Variants in RAB10 observed in about 807,000 individuals in gnomAD.
RAB10 encodes the protein RAB10, member RAS oncogene family.
Under a neutral mutation model 25.7 loss-of-function variants are expected in RAB10, and 5 were observed. The ratio of observed to expected loss-of-function variants is 0.19; its 90% CI spans 0.10 to 0.41. The LOEUF (loss-of-function observed/expected upper bound fraction) is 0.41, where lower values mean the gene tolerates loss of function less well. RAB10 is among the 10% of genes least tolerant of loss of function. The probability of loss-of-function intolerance (pLI) is 1.00; values close to 1 mark genes in which losing one functional copy is unlikely to be tolerated. For missense variants in RAB10, 103 were observed against 245.8 expected (o/e 0.42, Z 3.89); for synonymous variants, 89 against 86.4 (o/e 1.03, Z -0.16).
At chr2:26,037,142 A>G (rs940490828) in intron 1 of RAB10, among the ~76,000 whole-genome samples, 1 of 151,910 alleles carries the variant, frequency 6.6e-6, no homozygotes, top group African/African-American at 2.4e-5. Context: ...AACTCTGTCT[A>G]CTCCAATCTT....
intron 5 of RAB10, among the ~76,000 whole-genome samples, chr2:26,130,478 C>CT (rs72325138): frequency 1.2e-3 from 168 of 144,894 alleles, no homozygotes; most frequent in African/African-American, 2.6e-3. Flanking sequence ...TGGTCTCTCT[C>CT]TTTTTTTTTT....
intron 1 of RAB10, among the ~76,000 whole-genome samples, chr2:26,084,152 G>A (rs1362148116): frequency 6.6e-6 from 1 of 152,094 alleles, no homozygotes; most frequent in African/African-American, 2.4e-5. Flanking sequence ...ATAGTCACAT[G>A]GCCTGTTCCC....
intron 5 of RAB10, among the ~76,000 whole-genome samples, chr2:26,128,428 A>C (rs1057156703): frequency 2.4e-4 from 37 of 152,178 alleles, no homozygotes; most frequent in Admixed American, 4.6e-4. Flanking sequence ...CTGGGGAAAC[A>C]GAAAGCCATC....
intron 1 of RAB10, among the ~76,000 whole-genome samples, chr2:26,083,809 G>A (rs1188920651): frequency 6.6e-6 from 1 of 152,132 alleles, no homozygotes; most frequent in Non-Finnish European, 1.5e-5. Flanking sequence ...GTGAGCAGCT[G>A]CACCTGCTTA....
chr2:26,046,611 C>G (rs1666008787), intron 1 of RAB10, among the ~76,000 whole-genome samples: 1 of 151,904 alleles, frequency 6.6e-6, no homozygotes, highest in African/African-American at 2.4e-5. Context: ...GAGATGGGGT[C>G]TCGCCATGTT....
intron 1 of RAB10, among the ~76,000 whole-genome samples, chr2:26,083,394 C>G (rs920747732): frequency 7.0e-6 from 1 of 143,338 alleles, no homozygotes; most frequent in African/African-American, 2.6e-5. Flanking sequence ...TCTCTTCTCT[C>G]CCCTCCCCTC....
chr2:26,095,251 G>T (rs1667186921), intron 1 of RAB10, among the ~76,000 whole-genome samples: 1 of 152,070 alleles, frequency 6.6e-6, no homozygotes, highest in South Asian at 2.1e-4. Context: ...GAATTTATTG[G>T]TTCCAATTAC....
chr2:26,102,950 G>A (rs929416250), intron 2 of RAB10, among the ~76,000 whole-genome samples: 8 of 152,204 alleles, frequency 5.3e-5, no homozygotes, highest in Admixed American at 5.2e-4. Flanking sequence ...TTAGAGCATT[G>A]TTAGGACATC....
intron 5 of RAB10, among the ~76,000 whole-genome samples, chr2:26,129,141 G>A (rs1034250886): frequency 4.0e-5 from 6 of 151,836 alleles, no homozygotes; most frequent in African/African-American, 1.5e-4. Context: ...GTGGTGGCAC[G>A]TGCCTGTAAT....
chr2:26,086,533 T>G (rs1045859178), intron 1 of RAB10, among the ~76,000 whole-genome samples: 1 of 152,246 alleles, frequency 6.6e-6, no homozygotes, highest in Admixed American at 6.5e-5. Context: ...ACAGCCACCA[T>G]GGCAATTCCT....
At chr2:26,074,467 G>A (rs1305810861) in intron 1 of RAB10, among the ~76,000 whole-genome samples, 1 of 152,086 alleles carries the variant, frequency 6.6e-6, no homozygotes, top group Non-Finnish European at 1.5e-5. Flanking sequence ...CGCTCAGGCT[G>A]GAGTGCAGTG....
intron 1 of RAB10, among the ~76,000 whole-genome samples, chr2:26,048,830 C>T (rs1251997020): frequency 6.6e-6 from 1 of 152,140 alleles, no homozygotes; most frequent in African/African-American, 2.4e-5. Flanking sequence ...GAGCTGTGAT[C>T]ACTCCAGCCT....
At chr2:26,098,766 C>T (rs1667281649) in intron 2 of RAB10, 44 bp downstream of exon 2, 1 of 1,454,250 alleles carries the variant, frequency 6.9e-7, no homozygotes, top group Non-Finnish European at 9.4e-7. Context: ...TGTCAGGTTC[C>T]TTAAGGTTTC....
chr2:26,098,166 C>T (rs1374142114), intron 1 of RAB10, among the ~76,000 whole-genome samples: 4 of 117,226 alleles, frequency 3.4e-5, no homozygotes, highest in African/African-American at 1.3e-4. Flanking sequence ...GTTGCCCAGG[C>T]TCAAGTGCAG....
intron 1 of RAB10, among the ~76,000 whole-genome samples, chr2:26,085,876 G>T (rs1559588814): frequency 6.6e-6 from 1 of 151,480 alleles, no homozygotes. Flanking sequence ...GCGCATGCCT[G>T]TAATCCCAGC....
chr2:26,124,400 T>TTTTTTTTTTTTTTTTTTTTTTTTTG (rs1667866084), intron 3 of RAB10, among the ~76,000 whole-genome samples: 2 of 98,896 alleles, frequency 2.0e-5, no homozygotes, highest in Non-Finnish European at 2.0e-5. Context: ...TTTTTTTTTT[T>TTTTTTTTTTTTTTTTTTTTTTTTTG]TTTTTTTTTT....
chr2:26,113,666 C>A (rs1279868856), intron 3 of RAB10, among the ~76,000 whole-genome samples: 2 of 151,434 alleles, frequency 1.3e-5, no homozygotes, highest in Non-Finnish European at 2.9e-5. Context: ...TGTACCTGTC[C>A]CCTAAGATCA....
chr2:26,036,000 A>C (rs939535534), intron 1 of RAB10, among the ~76,000 whole-genome samples: 1 of 152,090 alleles, frequency 6.6e-6, no homozygotes, highest in Non-Finnish European at 1.5e-5. Context: ...AGAGTATCAT[A>C]CTGTTTTCTT....
At chr2:26,056,549 ATCTAGAAATTAG>A (rs1274532798) in intron 1 of RAB10, among the ~76,000 whole-genome samples, 2 of 152,150 alleles carry the variant, frequency 1.3e-5, no homozygotes, top group East Asian at 3.9e-4. Flanking sequence ...GACTACATTT[ATCTAGAAATTAG>A]TCTTTTATCA....
Sources: allele counts gnomAD v4.1 joint callset (sites outside exome capture counted in the v4.1 genomes callset), GRCh38; gene constraint gnomAD v4.1.1; transcripts MANE v1.5; gene names NCBI Gene and HGNC (gene_info 2026-07-23, HGNC 2026-07-21).